Variants in UGT1A8 observed in about 807,000 individuals in gnomAD.
UGT1A8 encodes UDP-glucuronosyltransferase 1A8.
A neutral mutation model predicts 45.3 loss-of-function variants in UGT1A8; 39 were observed. That is an observed-to-expected ratio of 0.86 (90% CI 0.67 to 1.12). The LOEUF (loss-of-function observed/expected upper bound fraction) is 1.12. UGT1A8 is among the 50% of genes most tolerant of loss of function. The pLI is 0.00. For synonymous variants in UGT1A8, 275 were observed against 249.2 expected (o/e 1.10, Z -0.97); for missense variants, 719 against 664.9 (o/e 1.08, Z -0.90).
chr2:233,767,208 G>A (rs1699334912), intron 2 of UGT1A8, 43 bp downstream of exon 2: 1 of 1,612,972 alleles, frequency 6.2e-7, no homozygotes, highest in Non-Finnish European at 8.5e-7. Context: ...ATTTTCACAG[G>A]AGCGCTAATC....
At chr2:233,724,165 C>CT (rs1189702988) in intron 1 of UGT1A8, among the ~76,000 whole-genome samples, 2 of 112,674 alleles carry the variant, frequency 1.8e-5, no homozygotes, top group African/African-American at 8.4e-5. Context: ...GGGGGGCTGA[C>CT]CCCCCCATCT....
intron 4 of UGT1A8, chr2:233,770,755 A>G (rs1050140831): frequency 6.6e-6 from 1 of 152,202 alleles, no homozygotes; most frequent in Non-Finnish European, 1.5e-5. Flanking sequence ...AAGTACTAAT[A>G]TTACATTATA....
Position 233,772,397 on chromosome 2 carries a change from C to A in UGT1A8, c.1431C>A (p.Asp477Glu). Residue 477 changes from aspartate (D) to glutamate (E), a missense_variant, in exon 5 of 5, where the codon GAC becomes GAA. By Grantham distance (45) the Asp-to-Glu change is conservative. Coordinates refer to ENST00000373450, the MANE Select transcript of UGT1A8 (RefSeq NM_019076.5). ...GAPHLRPAAH[D>E]LTWYQYHSLD... The stretch of plus-strand genomic sequence containing the variant: ...CACACCTGCGCCCCGCAGCCCACGA[C>A]CTCACCTGGTACCAGTACCATTCCT... The A allele has an allele frequency of 6.2e-7, 1 of 1,614,254 alleles. No individual in the cohort carries two copies. The highest frequency in any genetic ancestry group is 8.5e-7 in the Non-Finnish European group (1 of 1,180,050).
At chr2:233,647,842 C>T in intron 1 of UGT1A8, 1 of 1,155,834 alleles carries the variant, frequency 8.7e-7, no homozygotes, top group Non-Finnish European at 1.2e-6. Flanking sequence ...GCTTTGGTGT[C>T]ATTGGTTTTC....
chr2:233,632,668 T>C (rs1435930971), intron 1 of UGT1A8, among the ~76,000 whole-genome samples: 1 of 152,234 alleles, frequency 6.6e-6, no homozygotes, highest in African/African-American at 2.4e-5. Context: ...TTGTGATTTT[T>C]GCATATTGAT....
intron 1 of UGT1A8, among the ~76,000 whole-genome samples, chr2:233,624,295 G>A (rs186268444): frequency 2.6e-5 from 4 of 152,128 alleles, no homozygotes; most frequent in Admixed American, 2.0e-4. Flanking sequence ...CTTGTTTTTG[G>A]TGACTTGGGC....
chr2:233,659,085 A>G (rs542141206), intron 1 of UGT1A8, among the ~76,000 whole-genome samples: 1 of 152,314 alleles, frequency 6.6e-6, no homozygotes, highest in Admixed American at 6.5e-5. Context: ...ACATATCTCT[A>G]TATTCAGATC....
At position 233,617,875 on chromosome 2, in the gene UGT1A8, T is replaced by C; in HGVS notation, c.168T>C (p.Val56=). Residue 56 remains valine (V), a synonymous_variant, in exon 1 of 5, where the codon GTT becomes GTC. Coordinates refer to ENST00000373450, the MANE Select transcript of UGT1A8 (RefSeq NM_019076.5). The stretch of plus-strand genomic sequence containing the variant: ...TTATCCTCAGGGGGCATGAGGTGGT[T>C]GTAGTCATGCCAGAGGTGAGTTGGC... ...EKLILRGHEV[V]VVMPEVSWQL... 1 of 1,614,096 alleles carries C rather than the reference T, an allele frequency of 6.2e-7. No homozygotes were observed. Among genetic ancestry groups the C allele is most frequent in the Non-Finnish European group, 8.5e-7 (1 of 1,180,014 alleles).
intron 1 of UGT1A8, chr2:233,719,251 C>T: frequency 1.2e-6 from 2 of 1,614,174 alleles, no homozygotes; most frequent in Non-Finnish European, 1.7e-6. Context: ...CTGAATGCTA[C>T]TTCCTTTGAT....
intron 1 of UGT1A8, among the ~76,000 whole-genome samples, chr2:233,732,815 A>C (rs1359476181): frequency 7.1e-6 from 1 of 140,410 alleles, no homozygotes; most frequent in African/African-American, 2.7e-5. Context: ...TTGATTCCAT[A>C]TGAACTTTAA....
intron 1 of UGT1A8, among the ~76,000 whole-genome samples, chr2:233,663,168 A>G (rs1901815): frequency 0.97 from 148,085 of 152,206 alleles, 72,061 homozygotes; most frequent in East Asian, 1. Context: ...TGGTGTAACC[A>G]CCCGGGGGAT....
rs764275523 is a variant in UGT1A8, at chr2:233,672,767, A to G, written c.855+54205A>G. On this transcript the variant is annotated intron_variant, in intron 1 of 4. Transcript: ENST00000373450. ...ATCTTCATTGGTGGTATCAACTGCC[A>G]TCAGGGAAAGCCGTTGCCTATGGTA... 1.9e-6 allele frequency: 3 copies of G among 1,613,804 alleles called. No individual in the cohort carries two copies. Among genetic ancestry groups the G allele is most frequent in the Non-Finnish European group, 2.5e-6 (3 of 1,179,748 alleles).
In UGT1A8 at chr2:233,769,574, T is replaced by C. The variant is rs1345352154; in HGVS notation, c.1295+1135T>C. 4 of 1,612,752 alleles carry C rather than the reference T, an allele frequency of 2.5e-6. No individual in the cohort carries two copies. The highest frequency in any genetic ancestry group is 3.3e-5 in the Admixed American group (2 of 59,992). On this transcript the variant is annotated intron_variant, in intron 4 of 4. Transcript: ENST00000373450. The surrounding 1 kb of genome is among the most constrained non-coding windows in gnomAD (Gnocchi z 4.4). ...AAGACAGATGTGAAGAGCTGGAGCA[T>C]GTTCAGATGAGAGGAGACGGAACAC... is the stretch of plus-strand genomic sequence containing the variant.
At chr2:233,690,650 T>C (rs45615240) in intron 1 of UGT1A8, 519,472 of 1,284,986 alleles carry the variant, frequency 0.4, 106,277 homozygotes, top group South Asian at 0.45. Context: ...CCTTGACTCC[T>C]ACAGCACCAA....
intron 1 of UGT1A8, among the ~76,000 whole-genome samples, chr2:233,752,885 GC>G (rs1406644444): frequency 1.3e-5 from 2 of 152,174 alleles, no homozygotes; most frequent in Non-Finnish European, 2.9e-5. Context: ...GTTAAAACTA[GC>G]CAGCGTTGTT....
At chr2:233,761,081 C>T in intron 1 of UGT1A8, 2 of 1,614,180 alleles carry the variant, frequency 1.2e-6, no homozygotes, top group Non-Finnish European at 1.7e-6. Flanking sequence ...AAGGATTACC[C>T]TAGGCCCATC....
intron 1 of UGT1A8, chr2:233,753,565 G>GGACC (rs1470283120): frequency 1.3e-5 from 2 of 152,156 alleles, no homozygotes; most frequent in African/African-American, 4.8e-5. Flanking sequence ...CTAGAAGATG[G>GGACC]GACCCTTTGT....
chr2:233,768,231 A>G lies in UGT1A8; in HGVS notation c.1087A>G (p.Thr363Ala). The G allele has an allele frequency of 5.6e-6, 9 of 1,614,162 alleles. No homozygotes were observed. The highest frequency in any genetic ancestry group is 7.6e-6 in the Non-Finnish European group (9 of 1,180,044). Reference sequence around the variant, plus strand: ...ATTTTGCATCTCAGGTCACCCGATGACCCGTGCCTTTATCACCCATGCTGG... The same window carrying G: ...ATTTTGCATCTCAGGTCACCCGATGGCCCGTGCCTTTATCACCCATGCTGG... ...PQNDLLGHPMTRAFITHAGSH... is the reference protein window; with the variant it reads ...PQNDLLGHPMARAFITHAGSH... The change falls in exon 4 of 5, where the codon ACC becomes GCC. Residue 363 changes from threonine (T) to alanine (A), a missense_variant. By Grantham distance (58) the Thr-to-Ala change is moderately conservative. Coordinates refer to ENST00000373450, the MANE Select transcript of UGT1A8 (RefSeq NM_019076.5).
chr2:233,672,846 G>A (rs1239594110), intron 1 of UGT1A8: 4 of 1,546,400 alleles, frequency 2.6e-6, no homozygotes, highest in East Asian at 4.5e-5. Context: ...AATTAAAAAA[G>A]GATTCTTTAC....
Sources: gnomAD v4.1 joint callset for allele counts (sites outside exome capture counted in the v4.1 genomes callset) on GRCh38, gnomAD v4.1.1 for gene constraint, Gnocchi (gnomAD v3.1) non-coding constraint, MANE v1.5 for transcripts, NCBI Gene and HGNC (gene_info 2026-07-23, HGNC 2026-07-21) for gene names.